OXR1: variants seen among roughly 807,000 people sequenced by gnomAD.
OXR1 encodes the protein oxidation resistance protein 1.
A neutral mutation model predicts 104.6 loss-of-function variants in OXR1; 41 were observed. The observed-to-expected ratio is 0.39, with a 90% confidence interval of 0.31 to 0.51. The LOEUF (loss-of-function observed/expected upper bound fraction) is 0.51. Ranked by LOEUF, OXR1 falls within the 20% of genes least tolerant of loss-of-function variation. The probability of loss-of-function intolerance (pLI) is 0.77; values close to 1 mark genes in which losing one functional copy is unlikely to be tolerated. For synonymous variants in OXR1, 348 were observed against 348.4 expected, an observed-to-expected ratio of 1.00 and a Z score of 0.01; for missense variants, 955 against 1,031.9, an observed-to-expected ratio of 0.93 and a Z score of 1.02.
At chr8:106,291,158 G>T (rs1812735097) in intron 1 of OXR1, among the ~76,000 whole-genome samples, 2 of 152,180 alleles carry the variant, frequency 1.3e-5, no homozygotes, top group Non-Finnish European at 2.9e-5. Flanking sequence ...GGATGGAGAT[G>T]GAGGCCATAA....
At chr8:106,679,414 T>A (rs1215411832) in intron 4 of OXR1, 122 bp downstream of exon 4, 1 of 455,958 alleles carries the variant, frequency 2.2e-6, no homozygotes, top group African/African-American at 2.0e-5. Flanking sequence ...AATCTGTATT[T>A]CACTTTGGAT....
At chr8:106,483,490 A>G (rs1822264333) in intron 2 of OXR1, among the ~76,000 whole-genome samples, 1 of 151,980 alleles carries the variant, frequency 6.6e-6, no homozygotes, top group Non-Finnish European at 1.5e-5. Context: ...TGAGCCTAGA[A>G]GTTTGAGGCA....
intron 3 of OXR1, among the ~76,000 whole-genome samples, chr8:106,519,416 ATCTC>A (rs1351242893): frequency 6.6e-6 from 1 of 151,982 alleles, no homozygotes; most frequent in Admixed American, 6.6e-5. Context: ...CACATATACT[ATCTC>A]TCTCTCTCTT....
intron 3 of OXR1, among the ~76,000 whole-genome samples, chr8:106,597,707 C>T (rs1287731436): frequency 6.6e-6 from 1 of 152,146 alleles, no homozygotes; most frequent in Non-Finnish European, 1.5e-5. Context: ...AAAGATGAAG[C>T]TTACAGGTTT....
intron 1 of OXR1, among the ~76,000 whole-genome samples, chr8:106,304,989 A>T (rs1361170381): frequency 6.6e-6 from 1 of 152,274 alleles, no homozygotes; most frequent in South Asian, 2.1e-4. Flanking sequence ...AAATATTTAT[A>T]TCAAAATTAC....
chr8:106,741,301 A>T (rs1240895136), intron 14 of OXR1, among the ~76,000 whole-genome samples: 1 of 152,168 alleles, frequency 6.6e-6, no homozygotes, highest in Non-Finnish European at 1.5e-5. Flanking sequence ...TTTCATTTAT[A>T]GAAAGTTTTA....
chr8:106,625,880 T>C (rs1363671921), intron 3 of OXR1, among the ~76,000 whole-genome samples: 1 of 152,156 alleles, frequency 6.6e-6, no homozygotes, highest in East Asian at 1.9e-4. Flanking sequence ...GTATATTAGA[T>C]TATATATGTC....
chr8:106,333,655 G>C (rs1814830676), intron 1 of OXR1, among the ~76,000 whole-genome samples: 1 of 151,960 alleles, frequency 6.6e-6, no homozygotes. Context: ...ATTAATATTT[G>C]TATATGGTGA....
At position 106,568,994 on chromosome 8, in the gene OXR1, T is replaced by C. The variant is rs987786063; in HGVS notation, c.220+49855T>C. Among the ~76,000 whole-genome samples the C allele has an allele frequency of 7.2e-5, 11 of 152,154 alleles. No individual in the cohort carries two copies. In the South Asian group the frequency reaches 1.2e-3, roughly 17 times the overall value. On this transcript the variant is annotated intron_variant, in intron 3 of 16. Transcript: ENST00000517566. ...ATAAAGGCTGGGGTGTGCTTTGCTT[T>C]GATATCTGTTTTTCAGTAACATGCT...
chr8:106,743,452 G>T (rs1188074097), intron 15 of OXR1, among the ~76,000 whole-genome samples: 1 of 152,138 alleles, frequency 6.6e-6, no homozygotes, highest in Non-Finnish European at 1.5e-5. Context: ...CTCCCAAGTA[G>T]CTGGGATTAC....
intron 3 of OXR1, among the ~76,000 whole-genome samples, chr8:106,537,556 T>C (rs1814633248): frequency 6.6e-6 from 1 of 152,102 alleles, no homozygotes; most frequent in Non-Finnish European, 1.5e-5. Flanking sequence ...GGGGGAGGGA[T>C]AGCACTGGGA....
chr8:106,315,225 T>C (rs1010849921), intron 1 of OXR1, among the ~76,000 whole-genome samples: 1 of 152,134 alleles, frequency 6.6e-6, no homozygotes, highest in Admixed American at 6.5e-5. Flanking sequence ...TTTCCTTCAA[T>C]TTAAAATGGT....
intron 6 of OXR1, among the ~76,000 whole-genome samples, chr8:106,689,393 C>T (rs1829059016): frequency 6.6e-6 from 1 of 151,908 alleles, no homozygotes; most frequent in Admixed American, 6.6e-5. Context: ...TATGACCTTA[C>T]CTTAAATTAA....
chr8:106,420,636 T>C (rs942256236), intron 2 of OXR1, among the ~76,000 whole-genome samples: 28 of 152,010 alleles, frequency 1.8e-4, no homozygotes, highest in Admixed American at 1.8e-3. Context: ...ATTAAGAAGA[T>C]ATCACATCAT....
chr8:106,292,589 C>T (rs1812801419), intron 1 of OXR1, among the ~76,000 whole-genome samples: 1 of 152,036 alleles, frequency 6.6e-6, no homozygotes, highest in Admixed American at 6.6e-5. Flanking sequence ...GGAATGTATT[C>T]CTCTGCAGAT....
chr8:106,419,085 G>T (rs1818797275), intron 2 of OXR1, among the ~76,000 whole-genome samples: 2 of 152,072 alleles, frequency 1.3e-5, no homozygotes, highest in South Asian at 4.1e-4. Context: ...TGACTCCATT[G>T]AAATGTCAAA....
At chr8:106,473,636 A>C (rs1335020707) in intron 2 of OXR1, among the ~76,000 whole-genome samples, 2 of 151,876 alleles carry the variant, frequency 1.3e-5, no homozygotes, top group Non-Finnish European at 2.9e-5. Context: ...TCAAATCTAT[A>C]GGATGAAAAA....
At chr8:106,356,415 A>C (rs1434382660) in intron 1 of OXR1, among the ~76,000 whole-genome samples, 2 of 152,196 alleles carry the variant, frequency 1.3e-5, no homozygotes, top group East Asian at 3.9e-4. Flanking sequence ...CATTAAGTCT[A>C]TCTTGGTCAA....
chr8:106,734,713 C>T (rs1323334147), intron 11 of OXR1, among the ~76,000 whole-genome samples: 1 of 152,154 alleles, frequency 6.6e-6, no homozygotes, highest in Non-Finnish European at 1.5e-5. Flanking sequence ...TTTACCCCTG[C>T]CTTTCCATTG....
Sources: gnomAD v4.1 joint callset for allele counts (sites outside exome capture counted in the v4.1 genomes callset) on GRCh38, gnomAD v4.1.1 for gene constraint, MANE v1.5 for transcripts, NCBI Gene and HGNC (gene_info 2026-07-23, HGNC 2026-07-21) for gene names.